Variants in ZBTB45 observed in about 807,000 individuals in gnomAD.
ZBTB45 encodes the protein zinc finger and BTB domain-containing protein 45.
In ZBTB45, 22 loss-of-function variants were observed where a neutral mutation model predicts 28.4. The observed-to-expected ratio is 0.77, with a 90% CI of 0.55 to 1.10. The LOEUF (loss-of-function observed/expected upper bound fraction) is 1.10. Ranked by LOEUF, ZBTB45 falls within the 50% of genes least tolerant of loss-of-function variation. ZBTB45 has a pLI of 0.00. For missense variants in ZBTB45, 656 were observed against 750.2 expected (o/e 0.87, Z 1.47); for synonymous variants, 361 against 332.3 (o/e 1.09, Z -0.94).
intron 1 of ZBTB45, among the ~76,000 whole-genome samples, chr19:58,534,618 G>A (rs369118354): frequency 2.8e-5 from 4 of 144,954 alleles, no homozygotes; most frequent in Non-Finnish European, 3.0e-5. Context: ...GTGCAGTGGC[G>A]CAATCTCGGC....
In ZBTB45 at chr19:58,517,101, C is replaced by T. The variant is rs1270412943; in HGVS notation, c.573G>A (p.Glu191=). 3 of 1,613,106 alleles carry T rather than the reference C, an allele frequency of 1.9e-6. No homozygotes were observed. In the African/African-American group the frequency reaches 4.0e-5, roughly 21 times the overall value. ...ACAGTGAGGGGTCAGCATCAGGCCC[C>T]TCAGCCTTGGCAGGTGTTGGGGGCG... ...LPAPPTPAKA[E]GPDADPSLSA... Residue 191 remains glutamate (E), a synonymous_variant, in exon 2 of 3, where the codon GAG becomes GAA. Transcript: ENST00000594051.
At chr19:58,536,247 T>C (rs938616713) in intron 1 of ZBTB45, among the ~76,000 whole-genome samples, 2 of 151,858 alleles carry the variant, frequency 1.3e-5, no homozygotes, top group African/African-American at 2.4e-5. Flanking sequence ...GGGTGGATCA[T>C]GAGGTCAGGA....
At chr19:58,527,763 C>A (rs534165003) in intron 1 of ZBTB45, among the ~76,000 whole-genome samples, 14 of 152,142 alleles carry the variant, frequency 9.2e-5, no homozygotes, top group Admixed American at 2.6e-4. Flanking sequence ...CACACCCTGA[C>A]TTTGTCCCCT....
Position 58,516,805 on chromosome 19 carries a change from G to T in ZBTB45, c.869C>A (p.Thr290Asn). The T allele has an allele frequency of 1.9e-6, 3 of 1,613,878 alleles. No individual in the cohort carries two copies. The highest frequency in any genetic ancestry group is 2.5e-6 in the Non-Finnish European group (3 of 1,180,016). ...GACAGCGCCATCCTCGTCGTGCCAA[G>T]TGGATACATAGCTGTCTGGAAATAC... ...EDVFPDSYVS[T>N]WHDEDGAVPE... The change falls in exon 2 of 3, where the codon ACT becomes AAT. Residue 290 changes from threonine (T) to asparagine (N), a missense_variant. Physicochemically the swap from Thr to Asn is moderately conservative, Grantham distance 65. Around this residue, in one of 3 missense-constraint regions of ZBTB45, gnomAD observed 448 missense variants for 444.3 expected, o/e 1.01. Transcript: ENST00000594051. The surrounding 1 kb of genome is among the most constrained non-coding windows in gnomAD (Gnocchi z 6.2).
intron 1 of ZBTB45, among the ~76,000 whole-genome samples, chr19:58,518,695 C>T (rs1227764609): frequency 3.9e-5 from 6 of 152,234 alleles, no homozygotes; most frequent in East Asian, 1.9e-4. Flanking sequence ...CGTGATCCTT[C>T]GGCCTGTTTC....
chr19:58,517,230 CTG>C lies in ZBTB45; in HGVS notation c.442_443del (p.Gln148AlafsTer24), dbSNP rs1450253195. 5 of 1,598,352 alleles carry C rather than the reference CTG, an allele frequency of 3.1e-6. No homozygotes were observed. Among genetic ancestry groups the C allele is most frequent in the Non-Finnish European group, 3.4e-6 (4 of 1,174,324 alleles). ...TPVPPPLAPA[Q>X]LRHRLRHLLA... ...GCAGGTGGCGCAGGCGGTGACGCAGCTGCGCAGGTGCGAGTGGCGGGGGCACA... is the reference window on the plus strand; with the variant it reads ...GCAGGTGGCGCAGGCGGTGACGCAGCCGCAGGTGCGAGTGGCGGGGGCACA... On this transcript the variant is annotated frameshift_variant, in exon 2 of 3. Transcript: ENST00000594051. LOFTEE classifies it high-confidence loss of function.
intron 1 of ZBTB45, among the ~76,000 whole-genome samples, chr19:58,532,891 AGTGGC>A (rs570203618): frequency 7.6e-4 from 115 of 150,374 alleles, no homozygotes; most frequent in African/African-American, 2.7e-3. Flanking sequence ...GCTGGAGTGC[AGTGGC>A]GTGAACTGGA....
intron 1 of ZBTB45, among the ~76,000 whole-genome samples, chr19:58,533,608 G>A (rs2122596833): frequency 6.6e-6 from 1 of 152,118 alleles, no homozygotes; most frequent in Middle Eastern, 3.4e-3. Context: ...AAATCCACAG[G>A]AAACTAACAG....
intron 1 of ZBTB45, among the ~76,000 whole-genome samples, chr19:58,527,033 A>C (rs2053611785): frequency 6.6e-6 from 1 of 152,200 alleles, no homozygotes. Flanking sequence ...TGAAGGGGAA[A>C]GCCCCAACCC....
At chr19:58,525,523 C>T (rs2122585294) in intron 1 of ZBTB45, among the ~76,000 whole-genome samples, 1 of 152,218 alleles carries the variant, frequency 6.6e-6, no homozygotes, top group East Asian at 1.9e-4. Context: ...GCAGGATCCC[C>T]TGTATACTCC....
At chr19:58,518,522 G>A (rs2053544581) in intron 1 of ZBTB45, among the ~76,000 whole-genome samples, 1 of 152,142 alleles carries the variant, frequency 6.6e-6, no homozygotes, top group South Asian at 2.1e-4. Context: ...GTGTGGCACA[G>A]AGAGGGGAAG....
chr19:58,523,660 TC>T (rs1183873862), upstream of ZBTB45, among the ~76,000 whole-genome samples: 1 of 147,004 alleles, frequency 6.8e-6, no homozygotes, highest in Non-Finnish European at 1.5e-5. Flanking sequence ...AGAGCAAGAC[TC>T]CATCTTTTTT....
chr19:58,524,063 C>CAAAA (rs529087016), upstream of ZBTB45, among the ~76,000 whole-genome samples: 1 of 73,180 alleles, frequency 1.4e-5, no homozygotes, highest in East Asian at 4.5e-4. Flanking sequence ...GACTCTGTCT[C>CAAAA]AAAAAAAAAA....
chr19:58,523,037 G>C (rs1039299790), upstream of ZBTB45, among the ~76,000 whole-genome samples: 1 of 152,148 alleles, frequency 6.6e-6, no homozygotes, highest in Non-Finnish European at 1.5e-5. Context: ...GTAGGAAGGA[G>C]AGGACACGGG....
upstream of ZBTB45, among the ~76,000 whole-genome samples, chr19:58,522,027 A>G (rs1464284053): frequency 1.3e-5 from 2 of 152,096 alleles, no homozygotes; most frequent in Admixed American, 1.3e-4. Flanking sequence ...AAACCTCATT[A>G]AAACACAAGT....
intron 1 of ZBTB45, among the ~76,000 whole-genome samples, chr19:58,532,397 A>C (rs2053639580): frequency 6.6e-6 from 1 of 152,196 alleles, no homozygotes; most frequent in Admixed American, 6.5e-5. Context: ...AAAATAACGT[A>C]AGGCTACATG....
chr19:58,525,955 C>T (rs1347279704), intron 1 of ZBTB45, among the ~76,000 whole-genome samples: 8 of 152,116 alleles, frequency 5.3e-5, no homozygotes, highest in Non-Finnish European at 7.4e-5. Context: ...AGGCTGGGCG[C>T]GGTGGCTCAC....
upstream of ZBTB45, among the ~76,000 whole-genome samples, chr19:58,521,513 C>T (rs1362226180): frequency 6.6e-6 from 1 of 152,098 alleles, no homozygotes; most frequent in Non-Finnish European, 1.5e-5. Flanking sequence ...CCATACCACA[C>T]CTTGATTTTA....
In ZBTB45 at chr19:58,514,011, G is replaced by T; in HGVS notation, c.*43C>A. 1 of 1,369,170 alleles carries T rather than the reference G, an allele frequency of 7.3e-7. No individual in the cohort carries two copies. The highest frequency in any genetic ancestry group is 9.4e-7 in the Non-Finnish European group (1 of 1,067,602). The allele number at this position is 1,369,170 out of a possible 1,614,324, so 84.8% of individuals were successfully genotyped here. On this transcript the variant is annotated 3_prime_UTR_variant, in exon 3 of 3. Coordinates refer to ENST00000594051, the MANE Select transcript of ZBTB45 (RefSeq NM_001316979.2). The stretch of plus-strand genomic sequence containing the variant: ...GCAGCGGGCGTGGCCGACTGTGCGG[G>T]AGGCCCCGGATCCACCGTGGGCGAG...
Sources: gnomAD v4.1 joint callset for allele counts (sites outside exome capture counted in the v4.1 genomes callset) on GRCh38, gnomAD v4.1.1 for gene constraint, gnomAD v4.1.1 regional missense constraint, Gnocchi (gnomAD v3.1) non-coding constraint, MANE v1.5 for transcripts, NCBI Gene and HGNC (gene_info 2026-07-23, HGNC 2026-07-21) for gene names.